OSBPL10: variants seen among roughly 807,000 people sequenced by gnomAD.
OSBPL10 encodes the protein oxysterol-binding protein-related protein 10.
Under a neutral mutation model 81.7 loss-of-function variants are expected in OSBPL10, and 49 were observed. The ratio of observed to expected loss-of-function variants is 0.60; its 90% CI spans 0.48 to 0.76. OSBPL10 has a LOEUF of 0.76. Among genes scored for constraint, OSBPL10 ranks in the 30% least tolerant of loss-of-function variants. OSBPL10 has a pLI of 0.00. For missense variants in OSBPL10, 923 were observed against 987.8 expected, an observed-to-expected ratio of 0.93 and a Z score of 0.88; for synonymous variants, 419 against 383.6, an observed-to-expected ratio of 1.09 and a Z score of -1.08.
At chr3:31,885,248 C>T (rs1051972705) in intron 1 of OSBPL10, among the ~76,000 whole-genome samples, 1 of 152,190 alleles carries the variant, frequency 6.6e-6, no homozygotes, top group Admixed American at 6.5e-5. Flanking sequence ...TACATATAAA[C>T]ACACTCACAC....
At position 31,891,150 on chromosome 3, in the gene OSBPL10, T is replaced by C. The variant is rs558732714; in HGVS notation, c.282-11320A>G. On this transcript the variant is annotated intron_variant, in intron 1 of 11. Transcript: ENST00000396556. Reference sequence around the variant, plus strand: ...TTCAAAGTGTCCTTTACTTTTTCTCTAGGGGCAACAAAGCATAGAGGAAGG... The same window carrying C: ...TTCAAAGTGTCCTTTACTTTTTCTCCAGGGGCAACAAAGCATAGAGGAAGG... Among the ~76,000 whole-genome samples the C allele has an allele frequency of 2.0e-5, 3 of 152,294 alleles. No homozygotes were observed. The South Asian group carries it at 6.2e-4, about 32-fold the overall frequency.
chr3:31,939,721 C>T (rs1201677038), intron 1 of OSBPL10, among the ~76,000 whole-genome samples: 3 of 152,158 alleles, frequency 2.0e-5, no homozygotes, highest in Non-Finnish European at 4.4e-5. Context: ...AATTCATGCA[C>T]ACACTCCTGG....
rs1418208602 is a variant in OSBPL10 at position 31,944,842 on chromosome 3, A to T, written c.281+36057T>A. ...CAAGACCCCCTCTCTTTAAAAAAAA[A>T]AAAAAAAAAAAAAAAAAAAAAAAAA... On this transcript the variant is annotated intron_variant, in intron 1 of 11. Transcript: ENST00000396556. 1.1e-4 allele frequency among the ~76,000 whole-genome samples: 7 copies of T among 64,974 alleles called. No homozygotes were observed. The African/African-American group carries it at 1.3e-3, about 12-fold the overall frequency. 42.6% of individuals were successfully genotyped at this position (64,974 alleles called of 152,430 possible).
At chr3:31,662,582 A>C in intron 11 of OSBPL10, 1 of 996,374 alleles carries the variant, frequency 1.0e-6, no homozygotes, top group Non-Finnish European at 1.2e-6. Context: ...CCATCAATCA[A>C]ATATCAAGTG....
intron 5 of OSBPL10, among the ~76,000 whole-genome samples, chr3:31,734,437 A>G (rs977076724): frequency 6.6e-6 from 1 of 152,136 alleles, no homozygotes; most frequent in South Asian, 2.1e-4. Context: ...CAATTCTGCC[A>G]TTCGAATAAA....
intron 1 of OSBPL10, among the ~76,000 whole-genome samples, chr3:31,970,655 A>AT (rs1243589613): frequency 6.6e-6 from 1 of 152,234 alleles, no homozygotes; most frequent in Non-Finnish European, 1.5e-5. Context: ...CCTCCATCTC[A>AT]TTTTAAAGAT....
At chr3:31,841,749 G>A (rs1038643118) in intron 3 of OSBPL10, among the ~76,000 whole-genome samples, 2 of 152,120 alleles carry the variant, frequency 1.3e-5, no homozygotes. Flanking sequence ...GCTGAGCTGG[G>A]TATTTACTAA....
At chr3:32,041,196 G>T (rs1414724662) in intron 2 of OSBPL10, among the ~76,000 whole-genome samples, 1 of 152,204 alleles carries the variant, frequency 6.6e-6, no homozygotes, top group Non-Finnish European at 1.5e-5. Flanking sequence ...AGGCAACCCA[G>T]GGTGGCAGAG....
chr3:31,817,980 C>A (rs1255639665), intron 4 of OSBPL10, among the ~76,000 whole-genome samples: 3 of 152,158 alleles, frequency 2.0e-5, no homozygotes, highest in Admixed American at 1.3e-4. Flanking sequence ...TGATCACATG[C>A]CTGTGGTCCC....
intron 5 of OSBPL10, among the ~76,000 whole-genome samples, chr3:31,742,233 C>T (rs1697374005): frequency 1.3e-5 from 2 of 152,172 alleles, no homozygotes; most frequent in Non-Finnish European, 2.9e-5. Context: ...CTGAAGAGGT[C>T]TCCGGAAAAA....
intron 1 of OSBPL10, among the ~76,000 whole-genome samples, chr3:31,954,583 T>C (rs576238035): frequency 6.6e-6 from 1 of 152,150 alleles, no homozygotes; most frequent in Non-Finnish European, 1.5e-5. Flanking sequence ...CCAATCTATA[T>C]TGGGGGCAGG....
At chr3:31,957,586 T>C (rs779457308) in intron 1 of OSBPL10, among the ~76,000 whole-genome samples, 19 of 152,202 alleles carry the variant, frequency 1.2e-4, no homozygotes, top group Non-Finnish European at 2.5e-4. Flanking sequence ...CGTGGAGATA[T>C]GTACTTGGAG....
intron 1 of OSBPL10, among the ~76,000 whole-genome samples, chr3:31,949,393 G>T (rs1348946584): frequency 6.6e-6 from 1 of 151,808 alleles, no homozygotes; most frequent in Non-Finnish European, 1.5e-5. Context: ...TTCCGGCTGG[G>T]CACGGTGGCT....
At chr3:32,036,165 C>T (rs1046240010) in intron 2 of OSBPL10, among the ~76,000 whole-genome samples, 11 of 152,182 alleles carry the variant, frequency 7.2e-5, no homozygotes, top group Non-Finnish European at 1.5e-5. Flanking sequence ...CTCTTGCCTT[C>T]GCCTCCTGAG....
intron 2 of OSBPL10, chr3:31,988,868 GACTACAACCC>G: frequency 1.6e-6 from 1 of 622,934 alleles, no homozygotes; most frequent in Non-Finnish European, 2.8e-6. Flanking sequence ...CCCACAGCTT[GACTACAACCC>G]AGAGAGACAC....
intron 5 of OSBPL10, among the ~76,000 whole-genome samples, chr3:31,733,842 C>T (rs1697062336): frequency 6.6e-6 from 1 of 151,694 alleles, no homozygotes. Context: ...AACTCCATCT[C>T]TACTAAAAAT....
chr3:32,057,480 C>T (rs1029509886), intron 1 of OSBPL10, among the ~76,000 whole-genome samples: 7 of 152,112 alleles, frequency 4.6e-5, no homozygotes, highest in South Asian at 2.1e-4. Flanking sequence ...CACAGTTCAG[C>T]GTGGTTGGAG....
chr3:31,794,256 T>C (rs1699120276), intron 4 of OSBPL10, among the ~76,000 whole-genome samples: 1 of 152,230 alleles, frequency 6.6e-6, no homozygotes, highest in African/African-American at 2.4e-5. Context: ...GCAATTCTCC[T>C]GCCTCAGCTT....
chr3:31,741,809 AG>A (rs1226110982), intron 5 of OSBPL10, among the ~76,000 whole-genome samples: 4 of 152,108 alleles, frequency 2.6e-5, no homozygotes, highest in African/African-American at 9.7e-5. Context: ...ATCATGCGGC[AG>A]GTCTATCCCA....
Sources: allele counts gnomAD v4.1 joint callset (sites outside exome capture counted in the v4.1 genomes callset), GRCh38; gene constraint gnomAD v4.1.1; transcripts MANE v1.5; gene names NCBI Gene and HGNC (gene_info 2026-07-23, HGNC 2026-07-21).